SDK1: variants seen among roughly 807,000 people sequenced by gnomAD.
The protein encoded by SDK1 is sidekick cell adhesion molecule 1.
A neutral mutation model predicts 245.5 loss-of-function variants in SDK1; 157 were observed. The ratio of observed to expected loss-of-function variants is 0.64; its 90% CI spans 0.56 to 0.73. SDK1 has a LOEUF of 0.73. SDK1 is among the 30% of genes least tolerant of loss of function. SDK1 has a pLI of 0.00. For synonymous variants in SDK1, 1,647 were observed against 1,278.5 expected (o/e 1.29, Z -6.15); for missense variants, 3,583 against 3,002.3 (o/e 1.19, Z -4.52).
chr7:3,337,398 G>T (rs1380213765), intron 1 of SDK1, among the ~76,000 whole-genome samples: 1 of 151,946 alleles, frequency 6.6e-6, no homozygotes, highest in Non-Finnish European at 1.5e-5. Flanking sequence ...GACCTCTGGA[G>T]TGATGATAAA....
At chr7:3,536,093 G>T (rs1300283697) in intron 1 of SDK1, among the ~76,000 whole-genome samples, 3 of 148,648 alleles carry the variant, frequency 2.0e-5, no homozygotes, top group Non-Finnish European at 4.4e-5. Flanking sequence ...GTCTCACTCT[G>T]TCGCCCAGGC....
chr7:4,072,949 G>A (rs539866794), intron 20 of SDK1, among the ~76,000 whole-genome samples: 1 of 152,238 alleles, frequency 6.6e-6, no homozygotes, highest in Admixed American at 6.5e-5. Context: ...AAATTTCAGC[G>A]TCCTCCACTC....
intron 1 of SDK1, among the ~76,000 whole-genome samples, chr7:3,357,372 C>A (rs1780832318): frequency 1.5e-5 from 1 of 67,058 alleles, no homozygotes; most frequent in Non-Finnish European, 2.8e-5. Context: ...TTTTTTGAGG[C>A]AGGGTCTCAC....
At chr7:3,952,019 T>C (rs1164540241) in intron 7 of SDK1, 99 bp downstream of exon 7, 2 of 1,120,354 alleles carry the variant, frequency 1.8e-6, no homozygotes, top group African/African-American at 1.6e-5. Context: ...GTGGCTTTAT[T>C]TGTAACTCGG....
intron 1 of SDK1, among the ~76,000 whole-genome samples, chr7:3,596,488 T>C (rs1781071791): frequency 6.6e-6 from 1 of 152,140 alleles, no homozygotes; most frequent in Admixed American, 6.5e-5. Flanking sequence ...ATGAAAAGAA[T>C]TTCATAGATG....
At chr7:4,057,746 C>G (rs527954530) in intron 19 of SDK1, among the ~76,000 whole-genome samples, 80 of 152,308 alleles carry the variant, frequency 5.3e-4, no homozygotes, top group African/African-American at 1.9e-3. Context: ...ACCACAGCCT[C>G]TACTAACAAC....
At chr7:4,190,046 C>T (rs1783103267) in intron 35 of SDK1, among the ~76,000 whole-genome samples, 1 of 152,052 alleles carries the variant, frequency 6.6e-6, no homozygotes, top group Non-Finnish European at 1.5e-5. Flanking sequence ...ACAAATAAAG[C>T]CAGTCCTAGT....
At chr7:3,636,585 C>T (rs1208284573) in intron 2 of SDK1, among the ~76,000 whole-genome samples, 3 of 152,190 alleles carry the variant, frequency 2.0e-5, no homozygotes, top group East Asian at 3.8e-4. Flanking sequence ...GTATACACCA[C>T]CTTTTCTTTC....
At chr7:3,600,528 T>G (rs1313923131) in intron 1 of SDK1, among the ~76,000 whole-genome samples, 1 of 151,614 alleles carries the variant, frequency 6.6e-6, no homozygotes, top group Non-Finnish European at 1.5e-5. Context: ...TCTTTAACTG[T>G]GTTAAGTGTG....
At chr7:3,713,946 A>T (rs1785126227) in intron 4 of SDK1, among the ~76,000 whole-genome samples, 1 of 152,224 alleles carries the variant, frequency 6.6e-6, no homozygotes, top group Admixed American at 6.5e-5. Context: ...TCATGACTTT[A>T]TTTAAAAGAG....
intron 32 of SDK1, among the ~76,000 whole-genome samples, chr7:4,170,835 G>A (rs1781796249): frequency 6.6e-6 from 1 of 152,290 alleles, no homozygotes; most frequent in South Asian, 2.1e-4. Flanking sequence ...GCATGGGGGA[G>A]CTGGAGAAAG....
chr7:3,891,880 G>A (rs922375862), intron 5 of SDK1, among the ~76,000 whole-genome samples: 1 of 152,100 alleles, frequency 6.6e-6, no homozygotes, highest in Non-Finnish European at 1.5e-5. Flanking sequence ...AATTGTATTT[G>A]CAAAGCAGTG....
chr7:4,125,484 T>TTGAC (rs1784335234), intron 25 of SDK1, among the ~76,000 whole-genome samples: 1 of 147,926 alleles, frequency 6.8e-6, no homozygotes, highest in Non-Finnish European at 1.5e-5. Context: ...ACTGGATGGA[T>TTGAC]TGATTGATGG....
intron 22 of SDK1, among the ~76,000 whole-genome samples, chr7:4,107,722 G>A (rs916532469): frequency 6.6e-6 from 1 of 152,074 alleles, no homozygotes; most frequent in Non-Finnish European, 1.5e-5. Flanking sequence ...TCTGGTCCCA[G>A]CCCGCCTACG....
At chr7:3,546,833 G>T (rs148583151) in intron 1 of SDK1, among the ~76,000 whole-genome samples, 1 of 152,124 alleles carries the variant, frequency 6.6e-6, no homozygotes. Context: ...TTACCTACCC[G>T]TTAGAGTTTA....
chr7:3,882,651 G>T (rs1383002700), intron 5 of SDK1, among the ~76,000 whole-genome samples: 2 of 152,080 alleles, frequency 1.3e-5, no homozygotes, highest in Non-Finnish European at 2.9e-5. Flanking sequence ...GTTGGAGCGT[G>T]TTTCACCTCC....
rs1271427391 is a variant in SDK1, at chr7:4,145,892, A to G, written c.4399A>G (p.Thr1467Ala). 5 of 1,589,596 alleles carry G rather than the reference A, an allele frequency of 3.1e-6. No homozygotes were observed. Among genetic ancestry groups the G allele is most frequent in the Non-Finnish European group, 3.4e-6 (4 of 1,167,220 alleles). The change falls in exon 29 of 45, where the codon ACC (threonine) becomes GCC (alanine). Residue 1467 changes from threonine (T) to alanine (A), a missense_variant. Thr to Ala is a moderately conservative substitution (Grantham distance 58). Transcript: ENST00000404826. ...RQGWGEPLEA[T>A]VITTEKRERP... ...GGGCTGGGGGGAGCCACTGGAGGCC[A>G]CCGTCATCACCACCGAGAAGAGAGG...
intron 1 of SDK1, among the ~76,000 whole-genome samples, chr7:3,548,364 G>A (rs965819235): frequency 6.6e-6 from 1 of 152,148 alleles, no homozygotes; most frequent in African/African-American, 2.4e-5. Flanking sequence ...AAATACACAA[G>A]TAATAGAGGT....
At chr7:3,735,745 T>C (rs924466864) in intron 4 of SDK1, among the ~76,000 whole-genome samples, 5 of 152,208 alleles carry the variant, frequency 3.3e-5, no homozygotes, top group African/African-American at 1.2e-4. Flanking sequence ...CCATACTGTT[T>C]TCCGTAGTGG....
Sources: gnomAD v4.1 joint callset for allele counts (sites outside exome capture counted in the v4.1 genomes callset) on GRCh38, gnomAD v4.1.1 for gene constraint, MANE v1.5 for transcripts, NCBI Gene and HGNC (gene_info 2026-07-23, HGNC 2026-07-21) for gene names.